Variants in PDE10A observed in about 807,000 individuals in gnomAD.
The protein encoded by PDE10A is cAMP and cAMP-inhibited cGMP 3',5'-cyclic phosphodiesterase 10A.
In PDE10A, 39 loss-of-function variants were observed where a neutral mutation model predicts 97.7. The ratio of observed to expected loss-of-function variants is 0.40; its 90% CI spans 0.31 to 0.52. PDE10A has a LOEUF of 0.52. Among genes scored for constraint, PDE10A ranks in the 20% least tolerant of loss-of-function variants. PDE10A has a pLI of 0.56. For missense variants in PDE10A, 731 were observed against 1,047.8 expected (o/e 0.70, Z 4.17); for synonymous variants, 371 against 376.8 (o/e 0.98, Z 0.18).
intron 1 of PDE10A, among the ~76,000 whole-genome samples, chr6:165,803,326 C>T (rs145529822): frequency 1.9e-3 from 290 of 152,290 alleles, no homozygotes; most frequent in African/African-American, 6.7e-3. Flanking sequence ...TCATCTGTGT[C>T]GAGGACCCTT....
At chr6:165,500,042 C>T (rs1001283219) in intron 2 of PDE10A, among the ~76,000 whole-genome samples, 1 of 152,166 alleles carries the variant, frequency 6.6e-6, no homozygotes, top group Non-Finnish European at 1.5e-5. Flanking sequence ...AAGGCAAGAG[C>T]ATCTGATCGC....
chr6:165,686,910 C>T (rs773530684), intron 1 of PDE10A, among the ~76,000 whole-genome samples: 6 of 152,222 alleles, frequency 3.9e-5, no homozygotes, highest in Non-Finnish European at 8.8e-5. Flanking sequence ...ATGTACGCTT[C>T]GGTAATGTTT....
intron 1 of PDE10A, chr6:165,774,831 C>CTTTTTTTTTT (rs5881660): frequency 1.9e-5 from 2 of 107,876 alleles, no homozygotes; most frequent in African/African-American, 3.4e-5. Context: ...ACTTTTTTTT[C>CTTTTTTTTTT]TTTTTTTTTT....
intron 1 of PDE10A, among the ~76,000 whole-genome samples, chr6:165,845,177 T>C (rs993513847): frequency 6.6e-6 from 1 of 152,332 alleles, no homozygotes; most frequent in Admixed American, 6.5e-5. Flanking sequence ...TCAGGGCATG[T>C]GTGTGATGAA....
intron 1 of PDE10A, among the ~76,000 whole-genome samples, chr6:165,858,988 T>C (rs893361836): frequency 6.6e-6 from 1 of 152,258 alleles, no homozygotes; most frequent in Non-Finnish European, 1.5e-5. Context: ...ATGTTCATTG[T>C]TCAAGGTAGT....
At position 165,396,435 on chromosome 6, in the gene PDE10A, C is replaced by G. The variant is rs1786166674; in HGVS notation, c.2101G>C (p.Glu701Gln). Residue 701 changes from glutamate (E) to glutamine (Q), a missense_variant, in exon 14 of 22, where the codon GAG becomes CAG. Transcript: ENST00000539869. Reference protein sequence around the residue: ...ANMYHRIRHSECIYRVTMEKL... With the variant: ...ANMYHRIRHSQCIYRVTMEKL... ...TCCATCGTTACCCGGTAAATGCACT[C>G]TGAGTGGCGAATTCTATGATACATC... is the stretch of plus-strand genomic sequence containing the variant. 1 of 1,612,334 alleles carries G rather than the reference C, an allele frequency of 6.2e-7. No homozygotes were observed. The highest frequency in any genetic ancestry group is 8.5e-7 in the Non-Finnish European group (1 of 1,179,022).
At chr6:165,542,633 TTTTTTGA>T (rs1471314287) in intron 2 of PDE10A, among the ~76,000 whole-genome samples, 21 of 139,200 alleles carry the variant, frequency 1.5e-4, no homozygotes, top group African/African-American at 6.2e-4. Context: ...TTTTTTTTTT[TTTTTTGA>T]GACAGTCTTG....
chr6:165,904,183 G>T (rs1226465184), intron 1 of PDE10A, among the ~76,000 whole-genome samples: 2 of 152,180 alleles, frequency 1.3e-5, no homozygotes, highest in East Asian at 1.9e-4. Context: ...ATAATTGGTG[G>T]TATAGTAAAG....
intron 1 of PDE10A, among the ~76,000 whole-genome samples, chr6:165,652,916 T>C (rs1008157000): frequency 1.3e-5 from 2 of 152,136 alleles, no homozygotes; most frequent in African/African-American, 4.8e-5. Context: ...TAAACACTTA[T>C]CTCCCTCCTT....
intron 1 of PDE10A, among the ~76,000 whole-genome samples, chr6:165,856,148 A>G (rs1419345422): frequency 6.6e-6 from 1 of 152,140 alleles, no homozygotes; most frequent in East Asian, 1.9e-4. Context: ...CTGTTGTGGA[A>G]ATTGTGCTGG....
At chr6:165,902,518 T>C (rs927578969) in intron 1 of PDE10A, among the ~76,000 whole-genome samples, 9 of 152,188 alleles carry the variant, frequency 5.9e-5, no homozygotes, top group African/African-American at 2.2e-4. Flanking sequence ...TGGTGTGAAT[T>C]CCCAATACTC....
chr6:165,355,937 A>T (rs557104), intron 18 of PDE10A, among the ~76,000 whole-genome samples: 1 of 151,816 alleles, frequency 6.6e-6, no homozygotes, highest in East Asian at 1.9e-4. Flanking sequence ...TTTATAAAGA[A>T]AAGAGGTTTA....
chr6:165,957,026 A>AG (rs1197545988), intron 1 of PDE10A, among the ~76,000 whole-genome samples: 1 of 152,206 alleles, frequency 6.6e-6, no homozygotes, highest in African/African-American at 2.4e-5. Context: ...GCCAGGCTTC[A>AG]GGGGAGGAGC....
intron 1 of PDE10A, among the ~76,000 whole-genome samples, chr6:165,606,025 A>C (rs1385086818): frequency 6.6e-6 from 1 of 152,072 alleles, no homozygotes; most frequent in Non-Finnish European, 1.5e-5. Flanking sequence ...GACCTAGTAC[A>C]GAGCTGGGCA....
chr6:165,365,725 G>C (rs1377255263), intron 18 of PDE10A, among the ~76,000 whole-genome samples: 1 of 152,004 alleles, frequency 6.6e-6, no homozygotes, highest in Non-Finnish European at 1.5e-5. Flanking sequence ...TCTCAAAAAA[G>C]TGAATTAAAT....
intron 1 of PDE10A, among the ~76,000 whole-genome samples, chr6:165,912,358 C>T (rs374048770): frequency 1.3e-5 from 2 of 152,278 alleles, no homozygotes; most frequent in African/African-American, 4.8e-5. Flanking sequence ...CATTAACACC[C>T]GCAGTGTTGT....
At chr6:165,699,079 A>G (rs1318879956) in intron 1 of PDE10A, among the ~76,000 whole-genome samples, 3 of 152,196 alleles carry the variant, frequency 2.0e-5, no homozygotes, top group African/African-American at 4.8e-5. Flanking sequence ...TGGTCTAACT[A>G]TGTGTTGCAT....
intron 1 of PDE10A, among the ~76,000 whole-genome samples, chr6:165,766,743 G>A (rs1342422379): frequency 6.6e-6 from 1 of 152,186 alleles, no homozygotes; most frequent in African/African-American, 2.4e-5. Flanking sequence ...AGAGAAGCAG[G>A]CACTTCAGAG....
chr6:165,892,063 A>G (rs1358068140), intron 1 of PDE10A, among the ~76,000 whole-genome samples: 1 of 152,072 alleles, frequency 6.6e-6, no homozygotes, highest in East Asian at 1.9e-4. Context: ...AGCATAAAAT[A>G]TCCATGAGGC....
Sources: gnomAD v4.1 joint callset for allele counts (sites outside exome capture counted in the v4.1 genomes callset) on GRCh38, gnomAD v4.1.1 for gene constraint, MANE v1.5 for transcripts, NCBI Gene and HGNC (gene_info 2026-07-23, HGNC 2026-07-21) for gene names.